Variants in CILK1 observed in about 807,000 individuals in gnomAD.
CILK1 encodes ciliogenesis associated kinase 1.
In CILK1, 47 loss-of-function variants were observed where a neutral mutation model predicts 79.2. The ratio of observed to expected loss-of-function variants is 0.59; its 90% confidence interval spans 0.47 to 0.76. The LOEUF (loss-of-function observed/expected upper bound fraction) is 0.76. Ranked by LOEUF, CILK1 falls within the 30% of genes least tolerant of loss-of-function variation. The pLI is 0.00. For missense variants in CILK1, 660 were observed against 769.5 expected (o/e 0.86, Z 1.68); for synonymous variants, 266 against 275.9 (o/e 0.96, Z 0.36).
chr6:53,041,872 C>T (rs1766736301), intron 1 of CILK1, among the ~76,000 whole-genome samples: 1 of 151,794 alleles, frequency 6.6e-6, no homozygotes, highest in African/African-American at 2.4e-5. Flanking sequence ...CACCCACGAT[C>T]GTAAACTGGA....
intron 1 of CILK1, among the ~76,000 whole-genome samples, chr6:53,044,081 T>A (rs1045763020): frequency 6.6e-6 from 1 of 152,130 alleles, no homozygotes; most frequent in Admixed American, 6.5e-5. Flanking sequence ...TGCCATTTTT[T>A]AAAATACAGG....
At position 53,003,479 on chromosome 6, in the gene CILK1, C is replaced by G. The variant is rs1274189751; in HGVS notation, c.*1670G>C. 6.6e-6 allele frequency: 1 copy of G among 152,142 alleles called. No individual in the cohort carries two copies. Among genetic ancestry groups the G allele is most frequent in the Non-Finnish European group, 1.5e-5 (1 of 68,054 alleles). 9.4% of individuals were successfully genotyped at this position (152,142 alleles called of 1,614,324 possible). On this transcript the variant is annotated 3_prime_UTR_variant, in exon 14 of 14. Transcript: ENST00000676107. ...ACTTGGCTGGGTGCAGTGGCTCATG[C>G]CTGTAATCCCAGTACTTTGGGAGGT...
chr6:53,004,980 TA>T lies in CILK1; in HGVS notation c.*168del, dbSNP rs919225629. ...GCCTACTGCATTCAAATCAATATTT[TA>T]AAAAAAAACTTTAAAAAAGAATATT... On this transcript the variant is annotated 3_prime_UTR_variant, in exon 14 of 14. Coordinates refer to ENST00000676107, the MANE Select transcript of CILK1 (RefSeq NM_014920.5). 6.7e-5 allele frequency: 46 copies of T among 683,716 alleles called. No homozygotes were observed. Among genetic ancestry groups the T allele is most frequent in the East Asian group, 2.0e-4 (7 of 34,828 alleles). The allele number at this position is 683,716 out of a possible 1,614,324, so 42.4% of individuals were successfully genotyped here.
At chr6:53,033,183 A>T (rs1766083186) in intron 3 of CILK1, among the ~76,000 whole-genome samples, 1 of 152,172 alleles carries the variant, frequency 6.6e-6, no homozygotes, top group Non-Finnish European at 1.5e-5. Flanking sequence ...TCCTTCTTAC[A>T]ATGTGAGTTT....
intron 1 of CILK1, chr6:53,057,878 C>T (rs1016499724): frequency 6.6e-6 from 1 of 152,130 alleles, no homozygotes; most frequent in African/African-American, 2.4e-5. Context: ...ATGTTCCCCA[C>T]GTGCTCCTTG....
intron 3 of CILK1, among the ~76,000 whole-genome samples, chr6:53,036,293 T>A (rs1240555188): frequency 6.6e-6 from 1 of 152,226 alleles, no homozygotes; most frequent in African/African-American, 2.4e-5. Context: ...TTTGTTTTTT[T>A]ATATCTGATG....
rs775287467 is a variant in CILK1, at chr6:53,032,666, G to C, written c.157-12C>G. ...AGCTTCTTTAAAGACTAAAAGGCAAGGAATAAACACAAAACAAAACAAATA... is the reference window on the plus strand; with the variant it reads ...AGCTTCTTTAAAGACTAAAAGGCAACGAATAAACACAAAACAAAACAAATA... On this transcript the variant is annotated splice_polypyrimidine_tract_variant and intron_variant, in intron 3 of 13. Coordinates refer to ENST00000676107, the MANE Select transcript of CILK1 (RefSeq NM_014920.5). 3 of 1,592,836 alleles carry C rather than the reference G, an allele frequency of 1.9e-6. No individual in the cohort carries two copies. Among genetic ancestry groups the C allele is most frequent in the Admixed American group, 1.7e-5 (1 of 59,126 alleles).
Position 53,042,666 on chromosome 6 carries a change from C to T in CILK1, c.-172-1258G>A, listed in dbSNP as rs79679945. Among the ~76,000 whole-genome samples, 1,381 of 152,304 alleles carry T rather than the reference C, an allele frequency of 9.1e-3. 18 individuals are homozygous for T. Among genetic ancestry groups the T allele is most frequent in the African/African-American group, 0.031 (1,274 of 41,562 alleles). On this transcript the variant is annotated intron_variant, in intron 1 of 13. Transcript: ENST00000676107. ...ATTCAGTCTGCCTATAATAAAGAAA[C>T]TGTAGTAATAATGTAAAGTGACTAG...
intron 5 of CILK1, among the ~76,000 whole-genome samples, chr6:53,030,155 C>A (rs566026463): frequency 6.6e-6 from 1 of 152,302 alleles, no homozygotes; most frequent in African/African-American, 2.4e-5. Flanking sequence ...GGTCATCGTT[C>A]CTTTGGATAT....
intron 1 of CILK1, chr6:53,057,685 A>G (rs1768015752): frequency 6.6e-6 from 1 of 152,242 alleles, no homozygotes; most frequent in Non-Finnish European, 1.5e-5. Context: ...AATGTTGAAC[A>G]AACTTCAGAC....
chr6:53,049,187 T>C (rs1427948718), intron 1 of CILK1, among the ~76,000 whole-genome samples: 2 of 152,248 alleles, frequency 1.3e-5, no homozygotes, highest in African/African-American at 2.4e-5. Flanking sequence ...AAGAAGTCAC[T>C]GTTAATCTAT....
chr6:53,056,989 AT>A (rs1581780088), intron 1 of CILK1, among the ~76,000 whole-genome samples: 1 of 152,240 alleles, frequency 6.6e-6, no homozygotes, highest in East Asian at 1.9e-4. Flanking sequence ...ACATGAAGGC[AT>A]GTATATCTTA....
chr6:53,027,932 G>T (rs1581716112), intron 5 of CILK1, among the ~76,000 whole-genome samples: 1 of 152,190 alleles, frequency 6.6e-6, no homozygotes, highest in African/African-American at 2.4e-5. Flanking sequence ...TGGATCACGA[G>T]GTCAGGAGAT....
intron 11 of CILK1, among the ~76,000 whole-genome samples, chr6:53,011,405 C>T (rs1234473122): frequency 1.3e-5 from 2 of 152,176 alleles, no homozygotes; most frequent in Non-Finnish European, 2.9e-5. Flanking sequence ...CAAGACCAGC[C>T]TGGCCAATAT....
At chr6:53,041,094 G>C (rs772344005) in intron 2 of CILK1, 42 bp downstream of exon 2, 1 of 1,298,460 alleles carries the variant, frequency 7.7e-7, no homozygotes, top group African/African-American at 1.5e-5. Flanking sequence ...TAATGGTGAG[G>C]GTAGAGTTAA....
chr6:53,043,042 G>A (rs867393007), intron 1 of CILK1, among the ~76,000 whole-genome samples: 2 of 152,102 alleles, frequency 1.3e-5, no homozygotes, highest in South Asian at 2.1e-4. Flanking sequence ...TAGGCCAGGC[G>A]CAGTGGCTCA....
Position 53,011,761 on chromosome 6 carries a change from T to G in CILK1, c.1492+8A>C, listed in dbSNP as rs1272256645. 2.0e-5 allele frequency: 32 copies of G among 1,613,512 alleles called. No homozygotes were observed. The highest frequency in any genetic ancestry group is 2.7e-5 in the Non-Finnish European group (32 of 1,179,396). ...ATAATCAAAGTAAAGCCAAGTCATT[T>G]ATATTACCAGGCAAGTATCGAGAGT... On this transcript the variant is annotated splice_region_variant and intron_variant, in intron 11 of 13. Coordinates refer to ENST00000676107, the MANE Select transcript of CILK1 (RefSeq NM_014920.5).
chr6:53,031,021 A>G (rs570648716), intron 5 of CILK1, 44 bp downstream of exon 5: 5 of 1,313,880 alleles, frequency 3.8e-6, no homozygotes, highest in Non-Finnish European at 5.5e-6. Context: ...CTTGATAACA[A>G]CATTTCACTG....
At chr6:53,008,893 G>A (rs1354977089) in intron 12 of CILK1, among the ~76,000 whole-genome samples, 1 of 152,212 alleles carries the variant, frequency 6.6e-6, no homozygotes. Flanking sequence ...CCTGCATCAG[G>A]GAAAAATGAT....
Sources: gnomAD v4.1 joint callset for allele counts (sites outside exome capture counted in the v4.1 genomes callset) on GRCh38, gnomAD v4.1.1 for gene constraint, MANE v1.5 for transcripts, NCBI Gene and HGNC (gene_info 2026-07-23, HGNC 2026-07-21) for gene names.